Variants in OR10J1 observed in about 807,000 individuals in gnomAD.
The protein encoded by OR10J1 is olfactory receptor 10J1.
For synonymous variants in OR10J1, 202 were observed against 143.8 expected (o/e 1.40, Z -2.89); for missense variants, 474 against 376.6 (o/e 1.26, Z -2.14).
the OR10J1 span, among the ~76,000 whole-genome samples, chr1:159,410,771 G>C: frequency 6.7e-6 from 1 of 150,362 alleles, no homozygotes; most frequent in East Asian, 2.0e-4. Context: ...TGCTTTTCTA[G>C]TTCTTTTAAT....
the OR10J1 span, among the ~76,000 whole-genome samples, chr1:159,403,886 A>G: frequency 6.6e-6 from 1 of 152,178 alleles, no homozygotes; most frequent in Non-Finnish European, 1.5e-5. Flanking sequence ...AGATGAATGG[A>G]TAAAGAAAAT....
the OR10J1 span, chr1:159,432,612 A>G: frequency 2.1e-6 from 1 of 465,788 alleles, no homozygotes; most frequent in South Asian, 7.4e-5. Context: ...TTCAGTCATC[A>G]TGGGCAAAAA....
the OR10J1 span, among the ~76,000 whole-genome samples, chr1:159,399,327 T>A: frequency 6.6e-6 from 1 of 151,924 alleles, no homozygotes; most frequent in African/African-American, 2.4e-5. Flanking sequence ...ATCCCAGCAC[T>A]TTGGGAGGCT....
chr1:159,415,427 G>A, the OR10J1 span, among the ~76,000 whole-genome samples: 1 of 151,952 alleles, frequency 6.6e-6, no homozygotes, highest in Non-Finnish European at 1.5e-5. Flanking sequence ...TCACTGGCCT[G>A]TGTGTCTGTT....
chr1:159,402,660 A>G, the OR10J1 span, among the ~76,000 whole-genome samples: 1 of 152,082 alleles, frequency 6.6e-6, no homozygotes, highest in Non-Finnish European at 1.5e-5. Flanking sequence ...TGGAAGAATC[A>G]ATATTGTTAA....
Position 159,439,859 on chromosome 1 carries a change from A to T in OR10J1, c.68A>T (p.Gln23Leu). 6.2e-7 allele frequency: 1 copy of T among 1,614,212 alleles called. No individual in the cohort carries two copies. The highest frequency in any genetic ancestry group is 8.5e-7 in the Non-Finnish European group (1 of 1,180,034). ...CAAGGTTTCTCTAGCTTCCATGAGC[A>T]GCAGATCACCCTTTTTGGCGTGTTC... Reference protein sequence around the residue: ...VFQGFSSFHEQQITLFGVFLA... With the variant: ...VFQGFSSFHELQITLFGVFLA... Residue 23 changes from glutamine to leucine, a missense_variant, in exon 1 of 1, where the codon CAG becomes CTG. Physicochemically the swap from Gln to Leu is moderately radical, Grantham distance 113. Transcript: ENST00000423932.
At chr1:159,431,210 G>A in the OR10J1 span, among the ~76,000 whole-genome samples, 40 of 152,170 alleles carry the variant, frequency 2.6e-4, no homozygotes, top group African/African-American at 9.4e-4. Flanking sequence ...TCAGCACACT[G>A]GACTATCCAC....
chr1:159,405,546 CACTGAGATGAG>C, the OR10J1 span: 1 of 352,074 alleles, frequency 2.8e-6, no homozygotes, highest in Admixed American at 3.3e-5. Context: ...TGGTGTAGGT[CACTGAGATGAG>C]TCTGTTCTGC....
At chr1:159,428,329 C>A in the OR10J1 span, among the ~76,000 whole-genome samples, 2 of 152,050 alleles carry the variant, frequency 1.3e-5, no homozygotes, top group Non-Finnish European at 2.9e-5. Flanking sequence ...AGCCTTTTCT[C>A]CCTAAACCCA....
At chr1:159,422,908 A>G in the OR10J1 span, among the ~76,000 whole-genome samples, 508 of 152,198 alleles carry the variant, frequency 3.3e-3, 2 homozygotes, top group South Asian at 6.0e-3. Flanking sequence ...AACAGGCTAC[A>G]TTGCTTCCCT....
rs965886757 is a variant in OR10J1 at position 159,440,935 on chromosome 1, A to G, written c.*214A>G. 5.9e-6 allele frequency: 3 copies of G among 510,660 alleles called. No individual in the cohort carries two copies. Among genetic ancestry groups the G allele is most frequent in the African/African-American group, 5.7e-5 (3 of 52,682 alleles). 31.6% of individuals were successfully genotyped at this position (510,660 alleles called of 1,614,324 possible). ...TTTGGGGATAAATAGACAAACAAGG[A>G]TAAGATATGCCTAAATAAAAGGCCA... On this transcript the variant is annotated 3_prime_UTR_variant, in exon 1 of 1. Transcript: ENST00000423932.
At chr1:159,436,670 A>G (rs531895303), upstream of OR10J1, among the ~76,000 whole-genome samples, 1 of 105,762 alleles carries the variant, frequency 9.5e-6, no homozygotes, top group Admixed American at 1.0e-4. Flanking sequence ...TAGCGGTTTT[A>G]AAAAAAAAAA....
upstream of OR10J1, among the ~76,000 whole-genome samples, chr1:159,436,098 A>G (rs1302331311): frequency 6.6e-6 from 1 of 152,072 alleles, no homozygotes; most frequent in Non-Finnish European, 1.5e-5. Flanking sequence ...CCACATTTTT[A>G]TATCATCAAC....
the OR10J1 span, among the ~76,000 whole-genome samples, chr1:159,414,220 A>T: frequency 6.6e-6 from 1 of 152,052 alleles, no homozygotes; most frequent in Admixed American, 6.6e-5. Flanking sequence ...GTACCCATTG[A>T]CCAACTTCTC....
the OR10J1 span, among the ~76,000 whole-genome samples, chr1:159,399,588 A>G: frequency 3.3e-5 from 5 of 150,738 alleles, no homozygotes; most frequent in African/African-American, 1.2e-4. Context: ...AAAAAAAAAA[A>G]AAAAAAGAAA....
At chr1:159,435,995 T>C (rs1655727014), upstream of OR10J1, among the ~76,000 whole-genome samples, 2 of 152,214 alleles carry the variant, frequency 1.3e-5, no homozygotes, top group Admixed American at 6.5e-5. Flanking sequence ...TTCGGAGGGT[T>C]ATTTGGAGGC....
chr1:159,417,488 T>G, the OR10J1 span, among the ~76,000 whole-genome samples: 3 of 152,168 alleles, frequency 2.0e-5, no homozygotes, highest in Non-Finnish European at 4.4e-5. Context: ...TCTTACGAGA[T>G]CTGATGTTTT....
At chr1:159,438,494 A>G (rs151062772), upstream of OR10J1, among the ~76,000 whole-genome samples, 1 of 152,366 alleles carries the variant, frequency 6.6e-6, no homozygotes, top group East Asian at 1.9e-4. Context: ...ACTACTACAT[A>G]GTTTTTGCTC....
At chr1:159,429,958 T>G in the OR10J1 span, among the ~76,000 whole-genome samples, 1 of 152,170 alleles carries the variant, frequency 6.6e-6, no homozygotes, top group Non-Finnish European at 1.5e-5. Context: ...CTCACTCTCC[T>G]GAATCCTGAA....
Sources: allele counts gnomAD v4.1 joint callset (sites outside exome capture counted in the v4.1 genomes callset), GRCh38; gene constraint gnomAD v4.1.1; transcripts MANE v1.5; gene names NCBI Gene and HGNC (gene_info 2026-07-23, HGNC 2026-07-21).